The following TMEM178B variants were observed in gnomAD, a reference collection of about 807,000 sequenced individuals.
The protein encoded by TMEM178B is transmembrane protein 178B.
TMEM178B carries 5 observed loss-of-function variants against 31.0 expected under a neutral mutation model. The ratio of observed to expected loss-of-function variants is 0.16; its 90% confidence interval spans 0.08 to 0.34. The LOEUF is 0.34. Ranked by LOEUF, TMEM178B falls within the 10% of genes least tolerant of loss-of-function variation. The pLI, the probability that TMEM178B is intolerant of heterozygous loss-of-function variation, is 1.00. For synonymous variants in TMEM178B, 164 were observed against 164.0 expected (o/e 1.00, Z 0.00); for missense variants, 275 against 400.3 (o/e 0.69, Z 2.67).
chr7:141,240,377 C>T (rs1586844102), intron 2 of TMEM178B, among the ~76,000 whole-genome samples: 1 of 152,244 alleles, frequency 6.6e-6, no homozygotes, highest in East Asian at 1.9e-4. Flanking sequence ...TTGGTATTTC[C>T]CTTCTAGAAG....
At chr7:141,278,301 G>T (rs1337989072) in intron 2 of TMEM178B, among the ~76,000 whole-genome samples, 1 of 152,222 alleles carries the variant, frequency 6.6e-6, no homozygotes, top group African/African-American at 2.4e-5. Flanking sequence ...AGATTGCAGG[G>T]CTGGGCACGG....
intron 1 of TMEM178B, among the ~76,000 whole-genome samples, chr7:141,144,233 G>A (rs1406800624): frequency 6.6e-6 from 1 of 152,112 alleles, no homozygotes; most frequent in Non-Finnish European, 1.5e-5. Flanking sequence ...GATGGCTCTG[G>A]TTAGGGCTTC....
intron 1 of TMEM178B, among the ~76,000 whole-genome samples, chr7:141,098,444 A>C (rs1455742853): frequency 6.6e-6 from 1 of 152,212 alleles, no homozygotes; most frequent in African/African-American, 2.4e-5. Context: ...TTGTATGTAA[A>C]GTGGTTTGTC....
At chr7:141,225,114 T>C (rs933691827) in intron 2 of TMEM178B, among the ~76,000 whole-genome samples, 12 of 152,190 alleles carry the variant, frequency 7.9e-5, no homozygotes, top group Admixed American at 5.9e-4. Context: ...ACAAGAGATC[T>C]AATACTTCCC....
chr7:141,074,582 T>G lies in TMEM178B; in HGVS notation c.272T>G (p.Met91Arg). The change falls in exon 1 of 4, where the codon ATG becomes AGG. Residue 91 changes from methionine (M) to arginine (R), a missense_variant. Coordinates refer to ENST00000565468, the MANE Select transcript of TMEM178B (RefSeq NM_001195278.2). The surrounding 1 kb of genome is among the most constrained non-coding windows in gnomAD (Gnocchi z 5.1). Reference protein sequence around the residue: ...RARNRRQLFAMSPADECSRQY... With the variant: ...RARNRRQLFARSPADECSRQY... ...CGGAATCGCCGGCAGCTGTTCGCCATGAGCCCCGCGGACGAGTGCAGCCGG... is the reference window on the plus strand; with the variant it reads ...CGGAATCGCCGGCAGCTGTTCGCCAGGAGCCCCGCGGACGAGTGCAGCCGG... The G allele has an allele frequency of 6.5e-7, 1 of 1,535,898 alleles. No homozygotes were observed. Among genetic ancestry groups the G allele is most frequent in the Non-Finnish European group, 8.7e-7 (1 of 1,146,748 alleles).
chr7:141,180,434 C>T (rs1433245939), intron 1 of TMEM178B, among the ~76,000 whole-genome samples: 1 of 136,392 alleles, frequency 7.3e-6, no homozygotes, highest in East Asian at 2.1e-4. Flanking sequence ...CGATCTCCAG[C>T]CTGAGAGAGA....
intron 2 of TMEM178B, among the ~76,000 whole-genome samples, chr7:141,336,375 A>T (rs965489063): frequency 6.6e-6 from 1 of 152,118 alleles, no homozygotes; most frequent in South Asian, 2.1e-4. Flanking sequence ...AGGCGTGGGA[A>T]ATGCTGAGCT....
chr7:141,290,800 T>C (rs1798533390), intron 2 of TMEM178B, among the ~76,000 whole-genome samples: 1 of 152,218 alleles, frequency 6.6e-6, no homozygotes, highest in Non-Finnish European at 1.5e-5. Flanking sequence ...CTGGGTAGAC[T>C]GCAAGCTCTT....
chr7:141,497,479 C>T, the TMEM178B span, among the ~76,000 whole-genome samples: 2 of 152,200 alleles, frequency 1.3e-5, no homozygotes, highest in African/African-American at 4.8e-5. Context: ...CCAAGTGTGA[C>T]AAACTGAGCA....
At chr7:141,309,051 G>A (rs978504941) in intron 2 of TMEM178B, among the ~76,000 whole-genome samples, 3 of 152,084 alleles carry the variant, frequency 2.0e-5, no homozygotes, top group African/African-American at 7.2e-5. Context: ...GCTTTATTTT[G>A]TTGTCAGGAA....
At chr7:141,122,618 T>C (rs1795428029) in intron 1 of TMEM178B, among the ~76,000 whole-genome samples, 1 of 152,352 alleles carries the variant, frequency 6.6e-6, no homozygotes, top group South Asian at 2.1e-4. Context: ...CCATGTACTG[T>C]GTGGAGACTG....
the TMEM178B span, among the ~76,000 whole-genome samples, chr7:141,509,853 T>C: frequency 6.8e-3 from 1,039 of 152,292 alleles, 6 homozygotes; most frequent in Non-Finnish European, 0.011. Context: ...ATGTTTCAGC[T>C]CTATTAATCC....
At chr7:141,346,656 G>C (rs555027380) in intron 2 of TMEM178B, among the ~76,000 whole-genome samples, 27 of 151,572 alleles carry the variant, frequency 1.8e-4, no homozygotes, top group Admixed American at 9.2e-4. Context: ...CTAATTCTTT[G>C]CTTTTTTTTT....
intron 2 of TMEM178B, among the ~76,000 whole-genome samples, chr7:141,259,106 A>C (rs571393221): frequency 1.3e-5 from 2 of 152,226 alleles, no homozygotes; most frequent in African/African-American, 4.8e-5. Flanking sequence ...TGTATGCTTG[A>C]TAGTATCCCA....
At chr7:141,316,562 G>T (rs1055107950) in intron 2 of TMEM178B, among the ~76,000 whole-genome samples, 10 of 151,968 alleles carry the variant, frequency 6.6e-5, no homozygotes, top group Admixed American at 2.6e-4. Flanking sequence ...CTGTGTGTGT[G>T]TGTGTGTCAT....
Position 141,100,914 on chromosome 7 carries a change from G to A in TMEM178B, c.382+26222G>A, listed in dbSNP as rs1223287142. 2.0e-5 allele frequency among the ~76,000 whole-genome samples: 3 copies of A among 152,118 alleles called. No individual in the cohort carries two copies. In the East Asian group the frequency reaches 5.8e-4, roughly 29 times the overall value. ...AATGTAAAGTACTAAAGGGCTTTGA[G>A]GAATGAAACTGAGTGTATACATTTT... On this transcript the variant is annotated intron_variant, in intron 1 of 3. Transcript: ENST00000565468.
chr7:141,377,119 T>A (rs565076068), intron 2 of TMEM178B, among the ~76,000 whole-genome samples: 133 of 152,194 alleles, frequency 8.7e-4, no homozygotes, highest in Non-Finnish European at 1.6e-3. Context: ...TTTACTTGTC[T>A]ATATTTTGTA....
intron 3 of TMEM178B, among the ~76,000 whole-genome samples, chr7:141,458,083 G>A (rs775902454): frequency 6.6e-6 from 1 of 152,126 alleles, no homozygotes; most frequent in Non-Finnish European, 1.5e-5. Flanking sequence ...TAGATGGATG[G>A]TGACCTTTTC....
intron 1 of TMEM178B, among the ~76,000 whole-genome samples, chr7:141,199,557 C>T (rs1796841871): frequency 6.6e-6 from 1 of 152,100 alleles, no homozygotes; most frequent in Non-Finnish European, 1.5e-5. Flanking sequence ...TTCCTTTCTC[C>T]TTTGCTTCCT....
Sources: gnomAD v4.1 joint callset for allele counts (sites outside exome capture counted in the v4.1 genomes callset) on GRCh38, gnomAD v4.1.1 for gene constraint, Gnocchi (gnomAD v3.1) non-coding constraint, MANE v1.5 for transcripts, NCBI Gene and HGNC (gene_info 2026-07-23, HGNC 2026-07-21) for gene names.